CTNND2: variants seen among roughly 807,000 people sequenced by gnomAD.
The protein encoded by CTNND2 is catenin delta-2.
In CTNND2, 22 loss-of-function variants were observed where a neutral mutation model predicts 144.4. The observed-to-expected ratio is 0.15, with a 90% CI of 0.11 to 0.22. The LOEUF is 0.22. CTNND2 is among the 10% of genes least tolerant of loss of function. CTNND2 has a pLI of 1.00. For synonymous variants in CTNND2, 751 were observed against 695.6 expected (o/e 1.08, Z -1.25); for missense variants, 1,353 against 1,618.8 (o/e 0.84, Z 2.82).
In CTNND2 at chr5:11,404,602, C is replaced by CTTTTTTTTTTTTTT. The variant is rs555388304; in HGVS notation, c.439+6920_439+6933dup. On this transcript the variant is annotated intron_variant, in intron 5 of 21. Coordinates refer to ENST00000304623, the MANE Select transcript of CTNND2 (RefSeq NM_001332.4). The stretch of plus-strand genomic sequence containing the variant: ...ATCAGTATCTGTCAGTATCTGTATT[C>CTTTTTTTTTTTTTT]TTTTTTTTTTTTTTTTTTTTTTTTT... Among the ~76,000 whole-genome samples the CTTTTTTTTTTTTTT allele has an allele frequency of 8.5e-4, 49 of 57,382 alleles. 14 individuals are homozygous for CTTTTTTTTTTTTTT. The highest frequency in any genetic ancestry group is 1.5e-3 in the Non-Finnish European group (37 of 25,180). The allele number at this position is 57,382 out of a possible 152,430, so 37.6% of individuals were successfully genotyped here. A position where few individuals can be genotyped will look rare whatever the true frequency, so the allele number is the denominator to read the frequency against.
rs26041 is a variant in CTNND2, at chr5:11,215,724, C to A, written c.1762-16063G>T. Reference sequence around the variant, plus strand: ...CAAATTATCATCCATTGATTCATTTCTTAGGATGTTCATCACAGAGAAATT... The same window carrying A: ...CAAATTATCATCCATTGATTCATTTATTAGGATGTTCATCACAGAGAAATT... On this transcript the variant is annotated intron_variant, in intron 10 of 21. Transcript: ENST00000304623. Among the ~76,000 whole-genome samples the A allele has an allele frequency of 3.4e-3, 512 of 152,278 alleles. 1 individual carries two copies. The highest frequency in any genetic ancestry group is 5.4e-3 in the Non-Finnish European group (370 of 68,026).
At chr5:11,668,054 TGTCAAAGATCAGATG>T (rs1300388615) in intron 2 of CTNND2, among the ~76,000 whole-genome samples, 1 of 152,252 alleles carries the variant, frequency 6.6e-6, no homozygotes, top group Non-Finnish European at 1.5e-5. Flanking sequence ...TTGTCAGGTT[TGTCAAAGATCAGATG>T]GTTGTAGATA....
At chr5:11,283,958 G>A (rs1047586794) in intron 9 of CTNND2, among the ~76,000 whole-genome samples, 3 of 152,134 alleles carry the variant, frequency 2.0e-5, no homozygotes, top group African/African-American at 7.2e-5. Context: ...TGTCCAGTGT[G>A]TCTCTAATAC....
intron 3 of CTNND2, among the ~76,000 whole-genome samples, chr5:11,413,126 T>C (rs1243785783): frequency 6.6e-6 from 1 of 152,138 alleles, no homozygotes; most frequent in African/African-American, 2.4e-5. Flanking sequence ...ATTAGGAAAC[T>C]GGACAATGGT....
chr5:11,315,996 G>A (rs1212237503), intron 9 of CTNND2, among the ~76,000 whole-genome samples: 2 of 152,120 alleles, frequency 1.3e-5, no homozygotes, highest in African/African-American at 4.8e-5. Flanking sequence ...AGACCAAGAG[G>A]AAAAGAGCAT....
chr5:11,137,706 A>C (rs1756301544), intron 12 of CTNND2, among the ~76,000 whole-genome samples: 1 of 152,210 alleles, frequency 6.6e-6, no homozygotes, highest in Non-Finnish European at 1.5e-5. Context: ...AAACAAAACA[A>C]TAATGTTTAC....
intron 3 of CTNND2, among the ~76,000 whole-genome samples, chr5:11,419,071 G>T (rs62337478): frequency 0.01 from 993 of 95,648 alleles, 8 homozygotes; most frequent in East Asian, 0.027. Context: ...TATATATATA[G>T]AGAGAGAGAG....
chr5:11,406,883 GAAT>G (rs1332560764), intron 5 of CTNND2, among the ~76,000 whole-genome samples: 1 of 151,522 alleles, frequency 6.6e-6, no homozygotes, highest in Non-Finnish European at 1.5e-5. Context: ...TCTTCCTACT[GAAT>G]AATGGAATTT....
chr5:11,639,455 A>G (rs954348314), intron 2 of CTNND2, among the ~76,000 whole-genome samples: 6 of 152,186 alleles, frequency 3.9e-5, no homozygotes, highest in Non-Finnish European at 7.3e-5. Flanking sequence ...ACACTTAGGC[A>G]ATTCTTACAT....
chr5:11,068,208 G>A (rs930997063), intron 16 of CTNND2, among the ~76,000 whole-genome samples: 2 of 152,122 alleles, frequency 1.3e-5, no homozygotes, highest in African/African-American at 4.8e-5. Context: ...ATTTATGATG[G>A]ATCTTACAGA....
intron 2 of CTNND2, among the ~76,000 whole-genome samples, chr5:11,672,367 T>C (rs1387803220): frequency 1.3e-5 from 2 of 152,188 alleles, no homozygotes; most frequent in African/African-American, 4.8e-5. Flanking sequence ...TTAAGTCTGC[T>C]AAAGCTGTGC....
At chr5:11,562,189 T>A (rs184104578) in intron 3 of CTNND2, among the ~76,000 whole-genome samples, 27 of 152,346 alleles carry the variant, frequency 1.8e-4, no homozygotes, top group African/African-American at 6.5e-4. Flanking sequence ...GACTTGATTT[T>A]GTTTCTTTTC....
intron 3 of CTNND2, among the ~76,000 whole-genome samples, chr5:11,526,562 C>T (rs1773264349): frequency 6.6e-6 from 1 of 152,158 alleles, no homozygotes; most frequent in Non-Finnish European, 1.5e-5. Flanking sequence ...ACGCCAGCCA[C>T]CACTTGCTAG....
chr5:11,408,834 G>A (rs1244576142), intron 5 of CTNND2, among the ~76,000 whole-genome samples: 3 of 151,992 alleles, frequency 2.0e-5, no homozygotes, highest in Non-Finnish European at 4.4e-5. Flanking sequence ...AACTAAGAAA[G>A]CTCAGTACTA....
At chr5:11,482,824 A>G (rs890015376) in intron 3 of CTNND2, among the ~76,000 whole-genome samples, 1 of 152,126 alleles carries the variant, frequency 6.6e-6, no homozygotes, top group African/African-American at 2.4e-5. Context: ...ATCAGCAAGG[A>G]GACCAAGGGG....
At chr5:11,742,115 G>A (rs1310968894) in intron 1 of CTNND2, among the ~76,000 whole-genome samples, 1 of 152,014 alleles carries the variant, frequency 6.6e-6, no homozygotes, top group Non-Finnish European at 1.5e-5. Context: ...CTGCTTGGGT[G>A]ATGGGTGCAC....
chr5:11,252,181 C>G (rs1394169075), intron 9 of CTNND2, among the ~76,000 whole-genome samples: 2 of 152,190 alleles, frequency 1.3e-5, no homozygotes, highest in Middle Eastern at 3.2e-3. Context: ...CTCCTTCACA[C>G]CCATTTGTTG....
intron 11 of CTNND2, among the ~76,000 whole-genome samples, chr5:11,196,388 C>A (rs554388760): frequency 6.6e-6 from 1 of 152,276 alleles, no homozygotes; most frequent in African/African-American, 2.4e-5. Context: ...TTGCTCTCAT[C>A]CATGAGATAA....
At chr5:11,003,548 G>C (rs1740178606) in intron 18 of CTNND2, among the ~76,000 whole-genome samples, 1 of 152,116 alleles carries the variant, frequency 6.6e-6, no homozygotes. Context: ...TTCAAGAAAA[G>C]GTATTAAATA....
Sources: gnomAD v4.1 joint callset for allele counts (sites outside exome capture counted in the v4.1 genomes callset) on GRCh38, gnomAD v4.1.1 for gene constraint, MANE v1.5 for transcripts, NCBI Gene and HGNC (gene_info 2026-07-23, HGNC 2026-07-21) for gene names.